LINGO2: variants seen among roughly 807,000 people sequenced by gnomAD.
LINGO2 encodes leucine-rich repeat and immunoglobulin-like domain-containing nogo receptor-interacting protein 2.
LINGO2 carries 14 observed loss-of-function variants against 30.6 expected under a neutral mutation model. The ratio of observed to expected loss-of-function variants is 0.46; its 90% CI spans 0.30 to 0.72. The LOEUF is 0.72. Among genes scored for constraint, LINGO2 ranks in the 30% least tolerant of loss-of-function variants. The pLI, the probability that LINGO2 is intolerant of heterozygous loss-of-function variation, is 0.07. For missense variants in LINGO2, 729 were observed against 751.7 expected, an observed-to-expected ratio of 0.97 and a Z score of 0.35; for synonymous variants, 317 against 288.5, an observed-to-expected ratio of 1.10 and a Z score of -1.00.
intron 4 of LINGO2, among the ~76,000 whole-genome samples, chr9:28,172,766 T>A (rs1305653876): frequency 1.3e-5 from 2 of 152,186 alleles, no homozygotes; most frequent in Non-Finnish European, 2.9e-5. Flanking sequence ...TTCTTCTAGT[T>A]CTCTTCTCGT....
chr9:27,967,756 AAG>A (rs1290315812), intron 5 of LINGO2, among the ~76,000 whole-genome samples: 10 of 152,242 alleles, frequency 6.6e-5, no homozygotes, highest in African/African-American at 2.4e-4. Context: ...TTGCCATAGT[AAG>A]GTTTAACTCT....
At chr9:28,795,638 A>C in the LINGO2 span, among the ~76,000 whole-genome samples, 1 of 151,768 alleles carries the variant, frequency 6.6e-6, no homozygotes, top group East Asian at 1.9e-4. Flanking sequence ...AATGGTTTAA[A>C]ATATTACGAA....
chr9:28,642,013 G>GT (rs11453154), intron 1 of LINGO2, among the ~76,000 whole-genome samples: 38,381 of 144,540 alleles, frequency 0.27, 5,440 homozygotes, highest in African/African-American at 0.38. Flanking sequence ...ATAATACTCT[G>GT]TTTTTTTTTT....
chr9:28,560,676 T>C (rs1334075245), intron 1 of LINGO2, among the ~76,000 whole-genome samples: 3 of 152,034 alleles, frequency 2.0e-5, no homozygotes, highest in African/African-American at 4.8e-5. Context: ...TTTATTTATA[T>C]ATTTTTTTGA....
the LINGO2 span, among the ~76,000 whole-genome samples, chr9:29,199,218 C>G: frequency 6.4e-4 from 97 of 152,194 alleles, 1 homozygote; most frequent in African/African-American, 2.3e-3. Context: ...CAGCCTATCA[C>G]TGACATTTTT....
downstream of LINGO2, among the ~76,000 whole-genome samples, chr9:27,946,269 T>A (rs1417098299): frequency 6.6e-6 from 1 of 152,148 alleles, no homozygotes; most frequent in Non-Finnish European, 1.5e-5. Context: ...AGAATGCATT[T>A]CCCTGATAGA....
chr9:28,179,848 G>C (rs920563466), intron 4 of LINGO2, among the ~76,000 whole-genome samples: 16 of 151,564 alleles, frequency 1.1e-4, no homozygotes, highest in African/African-American at 3.4e-4. Context: ...TGTAGTTTCT[G>C]AGTGCCTGTT....
intron 4 of LINGO2, among the ~76,000 whole-genome samples, chr9:28,093,088 C>T (rs1407811887): frequency 1.3e-5 from 2 of 152,050 alleles, no homozygotes; most frequent in Non-Finnish European, 2.9e-5. Context: ...CCTCTAAGTA[C>T]ATGTTTTTTA....
chr9:28,045,777 A>G (rs1211894828), intron 4 of LINGO2, among the ~76,000 whole-genome samples: 1 of 152,180 alleles, frequency 6.6e-6, no homozygotes, highest in African/African-American at 2.4e-5. Flanking sequence ...ATGGCCCCAA[A>G]GCCAAATGAA....
intron 4 of LINGO2, among the ~76,000 whole-genome samples, chr9:28,109,461 G>C (rs1214489857): frequency 2.0e-5 from 3 of 152,106 alleles, no homozygotes. Flanking sequence ...AATTGTCTCT[G>C]TTTGCAGTTG....
At chr9:28,538,791 C>T (rs1001780904) in intron 1 of LINGO2, among the ~76,000 whole-genome samples, 7 of 152,016 alleles carry the variant, frequency 4.6e-5, no homozygotes, top group African/African-American at 1.7e-4. Flanking sequence ...GAAACACCTC[C>T]CGAAAGTCCC....
intron 2 of LINGO2, among the ~76,000 whole-genome samples, chr9:28,400,379 A>G (rs6476064): frequency 0.96 from 145,709 of 152,174 alleles, 69,835 homozygotes; most frequent in Middle Eastern, 0.99. Context: ...CCAGGTCCAT[A>G]TTCAATGATG....
chr9:28,551,268 A>C (rs987623503), intron 1 of LINGO2, among the ~76,000 whole-genome samples: 3 of 151,936 alleles, frequency 2.0e-5, no homozygotes, highest in African/African-American at 7.2e-5. Flanking sequence ...TGCCACAGAA[A>C]ACTAGGCAAA....
chr9:28,695,749 TAAAAA>T, the LINGO2 span, among the ~76,000 whole-genome samples: 1 of 142,442 alleles, frequency 7.0e-6, no homozygotes, highest in Non-Finnish European at 1.5e-5. Flanking sequence ...GCATTTCTGT[TAAAAA>T]AAAAAAAAAG....
At position 28,003,354 on chromosome 9, in the gene LINGO2, G is replaced by T. The variant is rs899882626; in HGVS notation, c.-36+9001C>A. The stretch of plus-strand genomic sequence containing the variant: ...AGATATATAGATATATAGATAGATA[G>T]ATAGATAGATAGATAGATAGATAGA... On this transcript the variant is annotated intron_variant, in intron 5 of 5. Transcript: ENST00000379992. Among the ~76,000 whole-genome samples the T allele has an allele frequency of 9.0e-3, 1,109 of 123,576 alleles. 9 individuals are homozygous for T. The highest frequency in any genetic ancestry group is 0.039 in the African/African-American group (1,050 of 27,246). The allele number at this position is 123,576 out of a possible 152,430, so 81.1% of individuals were successfully genotyped here. A position where few individuals can be genotyped will look rare whatever the true frequency, so the allele number is the denominator to read the frequency against.
At chr9:28,303,516 T>C (rs896864299) in intron 3 of LINGO2, among the ~76,000 whole-genome samples, 1 of 152,138 alleles carries the variant, frequency 6.6e-6, no homozygotes, top group Non-Finnish European at 1.5e-5. Context: ...GTTGAAAATT[T>C]GTGTACAATA....
At chr9:28,298,391 C>A (rs1161672967) in intron 3 of LINGO2, among the ~76,000 whole-genome samples, 1 of 150,944 alleles carries the variant, frequency 6.6e-6, no homozygotes, top group African/African-American at 2.4e-5. Flanking sequence ...TGGGGCTGGG[C>A]GCAGTGGCTC....
intron 1 of LINGO2, among the ~76,000 whole-genome samples, chr9:28,578,156 A>G (rs1402342434): frequency 6.6e-6 from 1 of 152,174 alleles, no homozygotes; most frequent in Non-Finnish European, 1.5e-5. Flanking sequence ...AGGGTAATTT[A>G]TACATGATGA....
At chr9:28,488,383 T>A (rs1166485065) in intron 1 of LINGO2, among the ~76,000 whole-genome samples, 2 of 152,098 alleles carry the variant, frequency 1.3e-5, no homozygotes, top group African/African-American at 4.8e-5. Flanking sequence ...ACTTACTAAT[T>A]AAATTAAATA....
Sources: gnomAD v4.1 joint callset for allele counts (sites outside exome capture counted in the v4.1 genomes callset) on GRCh38, gnomAD v4.1.1 for gene constraint, MANE v1.5 for transcripts, NCBI Gene and HGNC (gene_info 2026-07-23, HGNC 2026-07-21) for gene names.